The following WBP4 variants were observed in gnomAD, a reference collection of about 807,000 sequenced individuals.
WBP4 encodes WW domain-binding protein 4.
In WBP4, 37 loss-of-function variants were observed where a neutral mutation model predicts 55.4. The observed-to-expected ratio is 0.67, with a 90% CI of 0.51 to 0.88. WBP4 has a LOEUF of 0.88. WBP4 is among the 40% of genes least tolerant of loss of function. The pLI is 0.00. For missense variants in WBP4, 398 were observed against 420.8 expected (o/e 0.95, Z 0.47); for synonymous variants, 142 against 140.2 (o/e 1.01, Z -0.09).
At chr13:41,063,641 C>G (rs1024054152) in intron 2 of WBP4, among the ~76,000 whole-genome samples, 1 of 152,048 alleles carries the variant, frequency 6.6e-6, no homozygotes, top group Non-Finnish European at 1.5e-5. Flanking sequence ...TGTGAGTTAT[C>G]TAGAGTAAGT....
intron 8 of WBP4, 138 bp downstream of exon 8, chr13:41,076,375 T>G (rs1593432335): frequency 1.5e-6 from 1 of 654,130 alleles, no homozygotes; most frequent in East Asian, 3.1e-5. Context: ...ACCTTCCGGG[T>G]TCAAGCAATT....
intron 2 of WBP4, among the ~76,000 whole-genome samples, chr13:41,064,574 G>A (rs1222601081): frequency 1.3e-5 from 2 of 152,096 alleles, no homozygotes; most frequent in East Asian, 3.8e-4. Flanking sequence ...CTAAATTTAA[G>A]GAATAAAGCA....
At chr13:41,081,196 G>A (rs1406520134) in intron 9 of WBP4, among the ~76,000 whole-genome samples, 4 of 151,248 alleles carry the variant, frequency 2.6e-5, no homozygotes, top group African/African-American at 4.9e-5. Flanking sequence ...ACTCCATCTC[G>A]AAAAAGAAAA....
Position 41,081,498 on chromosome 13 carries a change from C to CAA in WBP4, c.920+710_920+711dup, listed in dbSNP as rs555764002. On this transcript the variant is annotated intron_variant, in intron 9 of 9. Coordinates refer to ENST00000379487, the MANE Select transcript of WBP4 (RefSeq NM_007187.5). Reference sequence around the variant, plus strand: ...GGGCAACAGAGTAGGACCTTGTCTCCAAAAAAAAAAAAAAAAAAAAAATGT... The same window carrying CAA: ...GGGCAACAGAGTAGGACCTTGTCTCCAAAAAAAAAAAAAAAAAAAAAAAATGT... Among the ~76,000 whole-genome samples, 786 of 81,006 alleles carry CAA rather than the reference C, an allele frequency of 9.7e-3. 12 individuals carry two copies. The highest frequency in any genetic ancestry group is 0.033 in the African/African-American group (640 of 19,674). 53.1% of individuals were successfully genotyped at this position (81,006 alleles called of 152,430 possible). A position where few individuals can be genotyped will look rare whatever the true frequency, so the allele number is the denominator to read the frequency against.
At position 41,061,584 on chromosome 13, in the gene WBP4, T is replaced by C; in HGVS notation, c.-90T>C. On this transcript the variant is annotated 5_prime_UTR_variant, in exon 1 of 10. Transcript: ENST00000379487. ...GATCGGAGGGAGGTTCGGGTGGGCA[T>C]CGGGCGGCTGGAAGAGCTCGACTCG... 6.2e-7 allele frequency: 1 copy of C among 1,606,224 alleles called. No individual in the cohort carries two copies. The highest frequency in any genetic ancestry group is 1.1e-5 in the South Asian group (1 of 90,624).
Position 41,082,840 on chromosome 13 carries a change from G to T in WBP4, c.1057G>T (p.Ala353Ser), listed in dbSNP as rs1315794028. 1 of 1,614,080 alleles carries T rather than the reference G, an allele frequency of 6.2e-7. No homozygotes were observed. Among genetic ancestry groups the T allele is most frequent in the South Asian group, 1.1e-5 (1 of 91,086 alleles). ...TCTTGGAGTTATGGCAGATGGAGTG[G>T]CCCCAGTCTTCAAAAAGAGAAGAAC... ...TSLGVMADGV[A>S]PVFKKRRTEN... The change falls in exon 10 of 10, where the codon GCC becomes TCC. Residue 353 changes from alanine to serine, a missense_variant. Coordinates refer to ENST00000379487, the MANE Select transcript of WBP4 (RefSeq NM_007187.5).
rs1195309905 is a variant in WBP4 at position 41,062,115 on chromosome 13, T to TTG, written c.2+441_2+442insGT. The TTG allele has an allele frequency of 1.3e-5, 13 of 974,498 alleles. No individual in the cohort carries two copies. The African/African-American group carries it at 2.3e-4, about 17-fold the overall frequency. The allele number at this position is 974,498 out of a possible 1,614,324, so 60.4% of individuals were successfully genotyped here. A position where few individuals can be genotyped will look rare whatever the true frequency, so the allele number is the denominator to read the frequency against. Reference sequence around the variant, plus strand: ...GTAATGGTTTTTTTTTTTTTTTTTTTTTTTTTTTTGTCGGCCGTCTACGAA... The same window carrying TTG: ...GTAATGGTTTTTTTTTTTTTTTTTTTTGTTTTTTTTTGTCGGCCGTCTACGAA... On this transcript the variant is annotated intron_variant, in intron 1 of 9. Transcript: ENST00000379487.
chr13:41,061,983 C>G, intron 1 of WBP4: 1 of 932,044 alleles, frequency 1.1e-6, no homozygotes, highest in Non-Finnish European at 1.3e-6. Flanking sequence ...TGTCGGGGGT[C>G]GCATGCACCC....
intron 8 of WBP4, among the ~76,000 whole-genome samples, chr13:41,076,462 T>C (rs1593432382): frequency 1.3e-5 from 2 of 151,862 alleles, no homozygotes; most frequent in South Asian, 4.2e-4. Flanking sequence ...TTATTGTTAG[T>C]AGAGACAGGG....
chr13:41,082,566 A>C (rs1055920377), intron 9 of WBP4, 138 bp from the exon 10 acceptor site: 8 of 664,486 alleles, frequency 1.2e-5, no homozygotes, highest in Middle Eastern at 4.1e-4. Context: ...AATATTGTAA[A>C]GTCAGTATTT....
Position 41,072,056 on chromosome 13 carries a change from A to G in WBP4, c.486+483A>G, listed in dbSNP as rs1031386504. On this transcript the variant is annotated intron_variant, in intron 6 of 9. Coordinates refer to ENST00000379487, the MANE Select transcript of WBP4 (RefSeq NM_007187.5). ...GTAAGACTCCGTCTCAAAAAAAAAA[A>G]AAAAAAAAAAAGTACTGATATCTAT... Among the ~76,000 whole-genome samples the G allele has an allele frequency of 2.2e-4, 34 of 151,794 alleles. 1 individual carries two copies.
intron 4 of WBP4, among the ~76,000 whole-genome samples, chr13:41,065,517 T>C (rs921049792): frequency 2.0e-5 from 3 of 152,178 alleles, no homozygotes; most frequent in Non-Finnish European, 2.9e-5. Flanking sequence ...GCCATACTAC[T>C]TTTGTGGTCA....
At position 41,061,522 on chromosome 13, in the gene WBP4, G is replaced by A. The variant is rs1593421568; in HGVS notation, c.-152G>A. 3 of 1,250,058 alleles carry A rather than the reference G, an allele frequency of 2.4e-6. No homozygotes were observed. Among genetic ancestry groups the A allele is most frequent in the Non-Finnish European group, 3.4e-6 (3 of 881,290 alleles). 77.4% of individuals were successfully genotyped at this position (1,250,058 alleles called of 1,614,324 possible). A position where few individuals can be genotyped will look rare whatever the true frequency, so the allele number is the denominator to read the frequency against. ...GTCTGGGCACCCGTAGTTGGGAACA[G>A]CGGAACGCTGGTCCCGGGGACTGAG... On this transcript the variant is annotated 5_prime_UTR_variant, in exon 1 of 10. Coordinates refer to ENST00000379487, the MANE Select transcript of WBP4 (RefSeq NM_007187.5).
At chr13:41,080,961 A>G in intron 9 of WBP4, 152 bp downstream of exon 9, 1 of 834,364 alleles carries the variant, frequency 1.2e-6, no homozygotes, top group Non-Finnish European at 1.9e-6. Context: ...GCACTTTGGG[A>G]GGCTGAGGTG....
Position 41,082,973 on chromosome 13 carries a change from G to T in WBP4, c.*59G>T. The stretch of plus-strand genomic sequence containing the variant: ...CAGAATGGAGACTTATACACCCAAA[G>T]TTTATCTGTGTTTGTTTGTAAGTAT... On this transcript the variant is annotated 3_prime_UTR_variant, in exon 10 of 10. Transcript: ENST00000379487. 1 of 1,464,830 alleles carries T rather than the reference G, an allele frequency of 6.8e-7. No homozygotes were observed. The highest frequency in any genetic ancestry group is 9.4e-7 in the Non-Finnish European group (1 of 1,063,874). 90.7% of individuals were successfully genotyped at this position (1,464,830 alleles called of 1,614,324 possible).
intron 1 of WBP4, 83 bp downstream of exon 1, chr13:41,061,758 T>TC: frequency 6.3e-7 from 1 of 1,597,754 alleles, no homozygotes; most frequent in Non-Finnish European, 8.5e-7. Flanking sequence ...CCTCCTCTCC[T>TC]CCCGCCCTTC....
intron 5 of WBP4, among the ~76,000 whole-genome samples, chr13:41,069,380 A>C (rs1355980540): frequency 6.6e-6 from 1 of 152,068 alleles, no homozygotes; most frequent in Non-Finnish European, 1.5e-5. Context: ...ATACAAAATT[A>C]GGCTAGGCGC....
intron 4 of WBP4, among the ~76,000 whole-genome samples, chr13:41,067,620 A>G (rs997445256): frequency 1.3e-5 from 2 of 152,216 alleles, no homozygotes; most frequent in African/African-American, 2.4e-5. Flanking sequence ...GAGAAGTTCA[A>G]GGCTACTAAT....
chr13:41,062,602 T>G (rs534920842), intron 1 of WBP4, 42 bp from the exon 2 acceptor site: 1 of 1,574,598 alleles, frequency 6.4e-7, no homozygotes, highest in East Asian at 2.2e-5. Flanking sequence ...TAACCTTTTT[T>G]AAGTTTTACA....
Sources: allele counts gnomAD v4.1 joint callset (sites outside exome capture counted in the v4.1 genomes callset), GRCh38; gene constraint gnomAD v4.1.1; transcripts MANE v1.5; gene names NCBI Gene and HGNC (gene_info 2026-07-23, HGNC 2026-07-21).